The following ACTN4 variants were observed in gnomAD, a reference collection of about 807,000 sequenced individuals.
ACTN4 encodes alpha-actinin-4.
A neutral mutation model predicts 114.2 loss-of-function variants in ACTN4; 18 were observed. The observed-to-expected ratio is 0.16, with a 90% CI of 0.11 to 0.23. The LOEUF (loss-of-function observed/expected upper bound fraction) is 0.23. Among genes scored for constraint, ACTN4 ranks in the 10% least tolerant of loss-of-function variants. The probability of loss-of-function intolerance (pLI) is 1.00; values close to 1 mark genes in which losing one functional copy is unlikely to be tolerated. For missense variants in ACTN4, 722 were observed against 1,262.9 expected (o/e 0.57, Z 6.49); for synonymous variants, 515 against 506.3 (o/e 1.02, Z -0.23).
chr19:38,667,587 TA>T (rs1466100265), intron 1 of ACTN4, among the ~76,000 whole-genome samples: 2 of 151,988 alleles, frequency 1.3e-5, no homozygotes, highest in Admixed American at 1.3e-4. Context: ...GCTGTTACAG[TA>T]TGGAATTTGT....
chr19:38,673,326 C>G (rs900326388), intron 1 of ACTN4, among the ~76,000 whole-genome samples: 2 of 150,418 alleles, frequency 1.3e-5, no homozygotes, highest in Admixed American at 1.3e-4. Context: ...ACAGAATAGT[C>G]CTTCTTCTTG....
In ACTN4 at chr19:38,724,119, G is replaced by A. The variant is rs1186912173; in HGVS notation, c.1693-38G>A. 1.2e-6 allele frequency: 2 copies of A among 1,613,604 alleles called. No individual in the cohort carries two copies. The highest frequency in any genetic ancestry group is 1.7e-6 in the Non-Finnish European group (2 of 1,180,002). ...CCCCCATCTTCCCAAGAGCCTCTGT[G>A]GGGCTGGGCCGCCCCCTCACTCCAG... On this transcript the variant is annotated intron_variant, in intron 14 of 20. Coordinates refer to ENST00000252699, the MANE Select transcript of ACTN4 (RefSeq NM_004924.6). This position sits in a 1 kb window ranked among gnomAD's most constrained non-coding sequence, Gnocchi z 7.0.
rs775492843 is a variant in ACTN4, at chr19:38,727,883, G to T, written c.2338-63G>T. The stretch of plus-strand genomic sequence containing the variant: ...CCCCCTGCCCTCTGCATGTGACCCC[G>T]ATCCCTCATCCTGGTCTCCACGCCG... On this transcript the variant is annotated intron_variant, in intron 18 of 20. Transcript: ENST00000252699. This position sits in a 1 kb window ranked among gnomAD's most constrained non-coding sequence, Gnocchi z 5.4. The T allele has an allele frequency of 6.6e-7, 1 of 1,520,370 alleles. No homozygotes were observed. The highest frequency in any genetic ancestry group is 1.4e-5 in the African/African-American group (1 of 73,000). 94.2% of individuals were successfully genotyped at this position (1,520,370 alleles called of 1,614,324 possible).
At chr19:38,682,692 G>A (rs1967615332) in intron 1 of ACTN4, among the ~76,000 whole-genome samples, 1 of 152,090 alleles carries the variant, frequency 6.6e-6, no homozygotes, top group African/African-American at 2.4e-5. Flanking sequence ...CCCTCCAAAG[G>A]CTTCCTCTTC....
intron 1 of ACTN4, among the ~76,000 whole-genome samples, chr19:38,649,779 G>A (rs28417347): frequency 6.6e-6 from 1 of 152,164 alleles, no homozygotes; most frequent in African/African-American, 2.4e-5. Context: ...GGCTGGAGGG[G>A]AAAGGGTGGG....
At chr19:38,700,188 C>T (rs187748693) in intron 1 of ACTN4, among the ~76,000 whole-genome samples, 12 of 152,244 alleles carry the variant, frequency 7.9e-5, no homozygotes, top group South Asian at 4.1e-4. Context: ...TCCACACCAC[C>T]GAGCCTGGTG....
intron 9 of ACTN4, 28 bp downstream of exon 9, chr19:38,714,589 G>C: frequency 6.2e-7 from 1 of 1,607,696 alleles, no homozygotes; most frequent in Non-Finnish European, 8.5e-7. Flanking sequence ...GAAAGTCAGG[G>C]CCACCTCATT....
At chr19:38,680,954 C>T (rs928359792) in intron 1 of ACTN4, among the ~76,000 whole-genome samples, 5 of 151,638 alleles carry the variant, frequency 3.3e-5, no homozygotes, top group Non-Finnish European at 7.4e-5. Flanking sequence ...GGTGAAACCC[C>T]GTCTCTACTA....
chr19:38,687,500 A>G (rs1243837902), intron 1 of ACTN4, among the ~76,000 whole-genome samples: 1 of 152,232 alleles, frequency 6.6e-6, no homozygotes, highest in Non-Finnish European at 1.5e-5. Flanking sequence ...TTGATTTTCA[A>G]CAAGGGTGCA....
In ACTN4 at chr19:38,693,243, T is replaced by C. The variant is rs529123485; in HGVS notation, c.163-7357T>C. 3.3e-5 allele frequency among the ~76,000 whole-genome samples: 5 copies of C among 152,300 alleles called. 1 individual carries two copies. In the South Asian group the frequency reaches 1.0e-3, roughly 32 times the overall value. ...AGCCTGCGATCCAGTCTGGATCATGTGCTACACAGTGCAGAGCCGGCATGC... is the reference window on the plus strand; with the variant it reads ...AGCCTGCGATCCAGTCTGGATCATGCGCTACACAGTGCAGAGCCGGCATGC... On this transcript the variant is annotated intron_variant, in intron 1 of 20. Transcript: ENST00000252699.
At chr19:38,693,128 A>G (rs372410049) in intron 1 of ACTN4, among the ~76,000 whole-genome samples, 7 of 152,220 alleles carry the variant, frequency 4.6e-5, no homozygotes, top group African/African-American at 1.7e-4. Flanking sequence ...TTGCGGCATG[A>G]GGCAGCAAAC....
intron 1 of ACTN4, among the ~76,000 whole-genome samples, chr19:38,662,868 C>T (rs1201780285): frequency 1.3e-5 from 2 of 150,278 alleles, no homozygotes; most frequent in African/African-American, 4.9e-5. Flanking sequence ...GCAGTCACCA[C>T]TTGGGTAACA....
chr19:38,721,713 C>G (rs753889001), intron 12 of ACTN4, 25 bp downstream of exon 12: 1 of 1,609,288 alleles, frequency 6.2e-7, no homozygotes, highest in East Asian at 2.2e-5. Context: ...AGGACACTAT[C>G]ATCACCTGGC....
At chr19:38,729,215 G>A in intron 20 of ACTN4, 59 bp from the exon 21 acceptor site, 3 of 1,612,744 alleles carry the variant, frequency 1.9e-6, no homozygotes, top group Non-Finnish European at 2.5e-6. Context: ...CAGTGGGAGG[G>A]GCTGAGGGGG....
chr19:38,706,744 C>G (rs1968472294), intron 5 of ACTN4, among the ~76,000 whole-genome samples: 1 of 152,170 alleles, frequency 6.6e-6, no homozygotes, highest in East Asian at 1.9e-4. Context: ...TTTGACAGCT[C>G]AGGAGTGAAT....
chr19:38,693,858 A>G (rs2144966873), intron 1 of ACTN4, among the ~76,000 whole-genome samples: 1 of 152,312 alleles, frequency 6.6e-6, no homozygotes, highest in South Asian at 2.1e-4. Context: ...CTGGGTCACC[A>G]TGGGCCTTGG....
At chr19:38,658,110 C>T (rs1432334837) in intron 1 of ACTN4, among the ~76,000 whole-genome samples, 1 of 152,208 alleles carries the variant, frequency 6.6e-6, no homozygotes, top group East Asian at 1.9e-4. Context: ...ACAGGCACAG[C>T]AGCCTTGCCA....
intron 1 of ACTN4, among the ~76,000 whole-genome samples, chr19:38,662,225 T>C (rs1032136223): frequency 2.6e-5 from 4 of 152,218 alleles, no homozygotes; most frequent in East Asian, 1.9e-4. Flanking sequence ...AAACGAGTTA[T>C]GTGGCTTTTA....
chr19:38,726,282 T>C (rs756857055), intron 17 of ACTN4, among the ~76,000 whole-genome samples: 105 of 147,476 alleles, frequency 7.1e-4, no homozygotes, highest in Non-Finnish European at 1.3e-3. Context: ...AGCCAGACTC[T>C]GTCTCAAAAA....
Sources: gnomAD v4.1 joint callset for allele counts (sites outside exome capture counted in the v4.1 genomes callset) on GRCh38, gnomAD v4.1.1 for gene constraint, Gnocchi (gnomAD v3.1) non-coding constraint, MANE v1.5 for transcripts, NCBI Gene and HGNC (gene_info 2026-07-23, HGNC 2026-07-21) for gene names.